Variants in ZMAT1 observed in about 807,000 individuals in gnomAD.
ZMAT1 encodes the protein zinc finger matrin-type 1, also known as zinc finger matrin-type protein 1.
In ZMAT1, 11 loss-of-function variants were observed where a neutral mutation model predicts 18.5. That is an observed-to-expected ratio of 0.59 (90% CI 0.37 to 0.98). ZMAT1 has a LOEUF of 0.98. Ranked by LOEUF, ZMAT1 falls within the 50% of genes least tolerant of loss-of-function variation. ZMAT1 has a pLI of 0.01. For missense variants in ZMAT1, 525 were observed against 496.2 expected (o/e 1.06, Z -0.55); for synonymous variants, 211 against 176.4 (o/e 1.20, Z -1.55).
chrX:101,900,089 C>A (rs1779299304), intron 2 of ZMAT1, among the ~76,000 whole-genome samples: 1 of 111,854 alleles, frequency 8.9e-6, no homozygotes, highest in Non-Finnish European at 1.9e-5. Flanking sequence ...GTTTGTTGGC[C>A]ATTTGCATAT....
intron 1 of ZMAT1, among the ~76,000 whole-genome samples, chrX:101,930,538 G>A (rs769378342): frequency 8.9e-6 from 1 of 112,073 alleles, no homozygotes; most frequent in Non-Finnish European, 1.9e-5. Flanking sequence ...AGCACACAGG[G>A]ATATATCATT....
At chrX:101,912,007 G>T in intron 1 of ZMAT1, 2 of 1,188,271 alleles carry the variant, frequency 1.7e-6, no homozygotes. Context: ...ATGTGTGCAG[G>T]GACTGTGGAA....
rs370590190 is a variant in ZMAT1, at chrX:101,916,228, C to T, written c.293-11898G>A. On this transcript the variant is annotated intron_variant, in intron 1 of 5. Transcript: ENST00000651725. ...ACACAGTGAGGGGAATAACACACATCGGGGCCAGTTGGGGGGTGGGGGCGA... is the reference window on the plus strand; with the variant it reads ...ACACAGTGAGGGGAATAACACACATTGGGGCCAGTTGGGGGGTGGGGGCGA... 9.7e-5 allele frequency among the ~76,000 whole-genome samples: 10 copies of T among 103,365 alleles called. No individual in the cohort carries two copies. The South Asian group carries it at 3.1e-3, about 32-fold the overall frequency. The allele number at this position is 103,365 out of a possible 115,157, so 89.8% of individuals were successfully genotyped here.
At chrX:101,898,884 C>T (rs1928016970) in intron 2 of ZMAT1, among the ~76,000 whole-genome samples, 1 of 111,503 alleles carries the variant, frequency 9.0e-6, no homozygotes, top group Non-Finnish European at 1.9e-5. Context: ...CCTGTCTCTA[C>T]TAAAAATACA....
At chrX:101,890,955 T>C (rs1046206105) in intron 4 of ZMAT1, among the ~76,000 whole-genome samples, 32 of 111,759 alleles carry the variant, frequency 2.9e-4, no homozygotes, top group African/African-American at 1.0e-3. Context: ...GAAAGACTTA[T>C]ATGTTATGCT....
At chrX:101,890,385 G>A (rs1927290891) in intron 4 of ZMAT1, among the ~76,000 whole-genome samples, 1 of 112,079 alleles carries the variant, frequency 8.9e-6, no homozygotes, top group African/African-American at 3.2e-5. Flanking sequence ...AGAACAGTAA[G>A]AGAAGTTGTG....
chrX:101,891,776 G>C (rs1209038668), intron 4 of ZMAT1, among the ~76,000 whole-genome samples: 2 of 111,540 alleles, frequency 1.8e-5, no homozygotes, highest in East Asian at 2.8e-4. Flanking sequence ...AAGTCACTTT[G>C]CCACTGTGAG....
At chrX:101,929,346 TTTC>T (rs1459728351) in intron 1 of ZMAT1, among the ~76,000 whole-genome samples, 2 of 105,210 alleles carry the variant, frequency 1.9e-5, no homozygotes, top group African/African-American at 6.8e-5. Flanking sequence ...AACATTTTCC[TTTC>T]TTCTCCTTTA....
intron 4 of ZMAT1, among the ~76,000 whole-genome samples, chrX:101,892,108 T>G (rs760912766): frequency 3.3e-4 from 36 of 110,495 alleles, no homozygotes; most frequent in African/African-American, 1.1e-3. Flanking sequence ...AAGAATGATA[T>G]AGGTTTAAAA....
intron 1 of ZMAT1, among the ~76,000 whole-genome samples, chrX:101,909,525 C>T (rs1307959220): frequency 8.9e-6 from 1 of 111,741 alleles, no homozygotes; most frequent in Non-Finnish European, 1.9e-5. Context: ...TGCCCTGGGC[C>T]AGAGGCGAGC....
At chrX:101,890,941 CAAAG>C (rs1306109305) in intron 4 of ZMAT1, among the ~76,000 whole-genome samples, 1 of 111,100 alleles carries the variant, frequency 9.0e-6, no homozygotes. Flanking sequence ...TGGGTCAGAT[CAAAG>C]AAAGACTTAT....
chrX:101,923,805 C>A (rs1184064894), intron 1 of ZMAT1, among the ~76,000 whole-genome samples: 6 of 111,583 alleles, frequency 5.4e-5, no homozygotes, highest in Admixed American at 9.5e-5. Context: ...AAATTCATGG[C>A]AGATGGTCTT....
rs1928974357 is a variant in ZMAT1, at chrX:101,911,695, G to C, written c.293-7365C>G. 4 of 1,206,328 alleles carry C rather than the reference G, an allele frequency of 3.3e-6. No homozygotes were observed. In the African/African-American group the frequency reaches 7.0e-5, roughly 21 times the overall value. On this transcript the variant is annotated intron_variant, in intron 1 of 5. Transcript: ENST00000651725. ...ACCAGTGTGGCAGAGCCTTCAGCCA[G>C]CTTGCTCCCCTCATTCAGCATCAGA... is the stretch of plus-strand genomic sequence containing the variant.
Position 101,883,558 on chromosome X carries a change from T to C in ZMAT1, c.2040A>G (p.Glu680=). The C allele has an allele frequency of 4.2e-6, 5 of 1,204,544 alleles. No individual in the cohort carries two copies. Among genetic ancestry groups the C allele is most frequent in the Non-Finnish European group, 5.6e-6 (5 of 893,661 alleles). ...HRKEKKKSVE[E]RTEEEMLWDE... Reference sequence around the variant, plus strand: ...CCCAAAGCATTTCCTCTTCTGTCCTTTCTTCAACAGATTTCTTTTTCTCTT... The same window carrying C: ...CCCAAAGCATTTCCTCTTCTGTCCTCTCTTCAACAGATTTCTTTTTCTCTT... The change falls in exon 6 of 6, where the codon GAA becomes GAG. Residue 680 remains glutamate, a synonymous_variant. Transcript: ENST00000651725.
intron 4 of ZMAT1, chrX:101,894,483 G>A (rs1016562843): frequency 2.1e-5 from 16 of 750,686 alleles, no homozygotes; most frequent in Non-Finnish European, 2.4e-5. Flanking sequence ...ATGACTAGGT[G>A]GATTTGAAAT....
intron 1 of ZMAT1, chrX:101,911,916 G>A: frequency 2.6e-5 from 31 of 1,205,862 alleles, no homozygotes; most frequent in Non-Finnish European, 3.0e-5. Flanking sequence ...AAGTCCCATG[G>A]GTGTCACGAT....
At chrX:101,910,188 A>T (rs1569437714) in intron 1 of ZMAT1, among the ~76,000 whole-genome samples, 1 of 112,727 alleles carries the variant, frequency 8.9e-6, no homozygotes, top group African/African-American at 3.2e-5. Flanking sequence ...CAGCACCTCT[A>T]TGAGTCTGCG....
rs778871442 is a variant in ZMAT1 at position 101,912,124 on chromosome X, T to A, written c.293-7794A>T. ...TGGGAAGACCTTAAGCCATAGCTCA[T>A]CCTTTTCTAGATTTGACTCAATCAT... On this transcript the variant is annotated intron_variant, in intron 1 of 5. Coordinates refer to ENST00000651725, the MANE Select transcript of ZMAT1 (RefSeq NM_001394560.1). 3 of 921,393 alleles carry A rather than the reference T, an allele frequency of 3.3e-6. No individual in the cohort carries two copies. The East Asian group carries it at 9.5e-5, about 29-fold the overall frequency. The allele number at this position is 921,393 out of a possible 1,213,427, so 75.9% of individuals were successfully genotyped here. A position where few individuals can be genotyped will look rare whatever the true frequency, so the allele number is the denominator to read the frequency against.
chrX:101,931,564 C>CGGCGGGGCGG (rs1215264219), intron 1 of ZMAT1, 153 bp downstream of exon 1: 6 of 675,001 alleles, frequency 8.9e-6, no homozygotes, highest in Non-Finnish European at 1.0e-5. Flanking sequence ...GGGGCTAATA[C>CGGCGGGGCGG]GGCGGGGCGG....
Sources: gnomAD v4.1 joint callset for allele counts (sites outside exome capture counted in the v4.1 genomes callset) on GRCh38, gnomAD v4.1.1 for gene constraint, MANE v1.5 for transcripts, NCBI Gene and HGNC (gene_info 2026-07-23, HGNC 2026-07-21) for gene names.